PTPRM: variants seen among roughly 807,000 people sequenced by gnomAD.
PTPRM encodes receptor-type tyrosine-protein phosphatase mu.
A neutral mutation model predicts 186.7 loss-of-function variants in PTPRM; 47 were observed. The ratio of observed to expected loss-of-function variants is 0.25; its 90% confidence interval spans 0.20 to 0.32. PTPRM has a LOEUF of 0.32. Among genes scored for constraint, PTPRM ranks in the 10% least tolerant of loss-of-function variants. PTPRM has a pLI of 1.00. For missense variants in PTPRM, 1,494 were observed against 1,865.0 expected (o/e 0.80, Z 3.66); for synonymous variants, 668 against 674.9 (o/e 0.99, Z 0.16).
chr18:8,397,263 C>CT (rs1210748790), intron 32 of PTPRM, among the ~76,000 whole-genome samples: 1 of 152,228 alleles, frequency 6.6e-6, no homozygotes, highest in Non-Finnish European at 1.5e-5. Flanking sequence ...CAGGCAAATG[C>CT]TACCGCTCTA....
intron 5 of PTPRM, among the ~76,000 whole-genome samples, chr18:7,931,437 G>C (rs1203220542): frequency 6.6e-6 from 1 of 152,152 alleles, no homozygotes; most frequent in East Asian, 1.9e-4. Flanking sequence ...TGGGTGCAGT[G>C]GCTCACGCCT....
At chr18:8,199,176 A>G (rs1178795772) in intron 14 of PTPRM, among the ~76,000 whole-genome samples, 1 of 152,178 alleles carries the variant, frequency 6.6e-6, no homozygotes, top group Non-Finnish European at 1.5e-5. Flanking sequence ...TTATGCTGTT[A>G]TATGCCTTAA....
In PTPRM at chr18:8,198,193, C is replaced by A. The variant is rs150104463; in HGVS notation, c.2301-45865C>A. Reference sequence around the variant, plus strand: ...CAGGATCTTACTCCCATCATCCTGGCTGGAGTGTTGTGGCACAAACATGGC... The same window carrying A: ...CAGGATCTTACTCCCATCATCCTGGATGGAGTGTTGTGGCACAAACATGGC... On this transcript the variant is annotated intron_variant, in intron 14 of 32. Coordinates refer to ENST00000580170, the MANE Select transcript of PTPRM (RefSeq NM_001105244.2). 3.4e-3 allele frequency among the ~76,000 whole-genome samples: 522 copies of A among 152,296 alleles called. 3 individuals are homozygous for A. Among genetic ancestry groups the A allele is most frequent in the African/African-American group, 0.012 (497 of 41,552 alleles).
chr18:8,053,275 C>CT (rs1434566789), intron 7 of PTPRM, among the ~76,000 whole-genome samples: 10 of 152,154 alleles, frequency 6.6e-5, no homozygotes, highest in African/African-American at 2.4e-4. Context: ...AATTATCAAG[C>CT]TTTTCATTGA....
intron 1 of PTPRM, among the ~76,000 whole-genome samples, chr18:7,768,993 T>C (rs547923557): frequency 6.6e-6 from 1 of 152,116 alleles, no homozygotes; most frequent in Non-Finnish European, 1.5e-5. Context: ...TAGAATGCAC[T>C]GGGCTCCCAC....
At position 8,143,739 on chromosome 18, in the gene PTPRM, G is replaced by A. The variant is rs774231494; in HGVS notation, c.2260G>A (p.Val754Met). 28 of 1,613,922 alleles carry A rather than the reference G, an allele frequency of 1.7e-5. No homozygotes were observed. Among genetic ancestry groups the A allele is most frequent in the African/African-American group, 8.0e-5 (6 of 74,900 alleles). The change falls in exon 14 of 33, where the codon GTG becomes ATG. Residue 754 changes from valine (V) to methionine (M), a missense_variant. Around this residue, in one of 3 missense-constraint regions of PTPRM, gnomAD observed 1,107 missense variants for 1,350.2 expected, o/e 0.82. Transcript: ENST00000580170. ...AGVIAGILLFVIIFLGVVLVM... is the reference protein window; with the variant it reads ...AGVIAGILLFMIIFLGVVLVM... ...AGTCATCGCGGGCATCTTGCTGTTC[G>A]TGATTATATTTCTTGGAGTTGTGTT...
At chr18:7,854,518 A>G (rs1264027123) in intron 2 of PTPRM, among the ~76,000 whole-genome samples, 1 of 152,092 alleles carries the variant, frequency 6.6e-6, no homozygotes, top group Non-Finnish European at 1.5e-5. Context: ...AGTTTGTAGT[A>G]TAAGATACTG....
chr18:8,237,535 A>G (rs1785923173), intron 14 of PTPRM, among the ~76,000 whole-genome samples: 1 of 145,152 alleles, frequency 6.9e-6, no homozygotes. Context: ...TGCAACCTCA[A>G]CCTCCCGGGT....
chr18:8,256,651 T>C (rs923515907), intron 19 of PTPRM, among the ~76,000 whole-genome samples: 4 of 152,202 alleles, frequency 2.6e-5, no homozygotes, highest in African/African-American at 7.2e-5. Flanking sequence ...GGGTTATACT[T>C]TTCCTTCATC....
chr18:7,574,893 G>A (rs755687454), intron 1 of PTPRM, among the ~76,000 whole-genome samples: 15 of 152,286 alleles, frequency 9.8e-5, no homozygotes, highest in South Asian at 2.1e-4. Flanking sequence ...TTAGCCGGGC[G>A]TGTTGGTGGG....
intron 1 of PTPRM, among the ~76,000 whole-genome samples, chr18:7,619,250 T>C (rs1403561349): frequency 6.6e-6 from 1 of 152,180 alleles, no homozygotes; most frequent in African/African-American, 2.4e-5. Context: ...ATCTAAAAGC[T>C]TGATTCACAG....
At chr18:7,708,151 A>G (rs533791528) in intron 1 of PTPRM, among the ~76,000 whole-genome samples, 43 of 152,340 alleles carry the variant, frequency 2.8e-4, no homozygotes, top group Admixed American at 1.3e-3. Flanking sequence ...TAAGTTAAAC[A>G]GAGGTTCAAG....
At chr18:8,220,140 T>G (rs2094138300) in intron 14 of PTPRM, among the ~76,000 whole-genome samples, 1 of 152,146 alleles carries the variant, frequency 6.6e-6, no homozygotes, top group Non-Finnish European at 1.5e-5. Context: ...AATTGCAAAT[T>G]TTAATGAAAT....
chr18:7,966,300 T>C (rs916745433), intron 7 of PTPRM, among the ~76,000 whole-genome samples: 9 of 152,224 alleles, frequency 5.9e-5, no homozygotes, highest in African/African-American at 1.7e-4. Flanking sequence ...ATCCATGTTA[T>C]TACCATTGTG....
chr18:7,926,519 A>AG (rs764141212), intron 4 of PTPRM, 49 bp from the exon 5 acceptor site: 5 of 1,412,974 alleles, frequency 3.5e-6, no homozygotes, highest in Non-Finnish European at 4.9e-6. Flanking sequence ...GACATATATT[A>AG]GTTACAAATC....
intron 1 of PTPRM, among the ~76,000 whole-genome samples, chr18:7,595,701 T>C (rs563538013): frequency 2.6e-5 from 4 of 152,248 alleles, no homozygotes; most frequent in Admixed American, 2.6e-4. Context: ...TTTAACATGT[T>C]TACTATCAGC....
intron 2 of PTPRM, among the ~76,000 whole-genome samples, chr18:7,833,593 G>C (rs2045869358): frequency 6.6e-6 from 1 of 151,998 alleles, no homozygotes; most frequent in Non-Finnish European, 1.5e-5. Flanking sequence ...AATTAGCCGG[G>C]CATGGTGGCA....
intron 2 of PTPRM, among the ~76,000 whole-genome samples, chr18:7,830,844 G>A (rs2045725170): frequency 6.6e-6 from 1 of 152,056 alleles, no homozygotes; most frequent in Non-Finnish European, 1.5e-5. Context: ...TTATTTACCT[G>A]GTCCAATATA....
chr18:8,117,995 A>G (rs756579922), intron 13 of PTPRM, among the ~76,000 whole-genome samples: 34 of 152,070 alleles, frequency 2.2e-4, no homozygotes, highest in Non-Finnish European at 2.5e-4. Context: ...TATATTCACC[A>G]TGGTGGTCTC....
Sources: allele counts gnomAD v4.1 joint callset (sites outside exome capture counted in the v4.1 genomes callset), GRCh38; gene constraint gnomAD v4.1.1; regional missense constraint gnomAD v4.1.1; transcripts MANE v1.5; gene names NCBI Gene and HGNC (gene_info 2026-07-23, HGNC 2026-07-21).